Variants in NETO1 observed in about 807,000 individuals in gnomAD.
NETO1 encodes neuropilin and tolloid like 1, also known as neuropilin and tolloid-like protein 1.
NETO1 carries 26 observed loss-of-function variants against 61.3 expected under a neutral mutation model. That is an observed-to-expected ratio of 0.42 (90% CI 0.31 to 0.59). The LOEUF (loss-of-function observed/expected upper bound fraction) is 0.59. NETO1 is among the 20% of genes least tolerant of loss of function. NETO1 has a pLI of 0.12. For missense variants in NETO1, 531 were observed against 662.8 expected (o/e 0.80, Z 2.18); for synonymous variants, 225 against 225.8 (o/e 1.00, Z 0.03).
At chr18:72,833,783 C>A (rs2073656239) in intron 4 of NETO1, among the ~76,000 whole-genome samples, 2 of 152,126 alleles carry the variant, frequency 1.3e-5, no homozygotes, top group South Asian at 4.1e-4. Context: ...TCTTTGGGGG[C>A]CTACTAAACT....
intron 1 of NETO1, chr18:72,865,824 C>G: frequency 2.4e-6 from 2 of 831,098 alleles, no homozygotes; most frequent in East Asian, 6.7e-5. Context: ...CAAAAATGTT[C>G]TGAACCTCCA....
chr18:72,807,430 G>T (rs1363254738), intron 4 of NETO1, among the ~76,000 whole-genome samples: 1 of 151,954 alleles, frequency 6.6e-6, no homozygotes, highest in Non-Finnish European at 1.5e-5. Context: ...TATTTATTTA[G>T]CTGTAATTTG....
intron 4 of NETO1, among the ~76,000 whole-genome samples, chr18:72,854,218 C>T (rs1443668337): frequency 5.9e-5 from 9 of 152,234 alleles, no homozygotes; most frequent in African/African-American, 1.7e-4. Context: ...ATGAAAGGTG[C>T]TATTTAAGTA....
chr18:72,863,867 A>G (rs2074654838), intron 3 of NETO1, among the ~76,000 whole-genome samples: 1 of 152,114 alleles, frequency 6.6e-6, no homozygotes, highest in Non-Finnish European at 1.5e-5. Context: ...TAACAGTTGG[A>G]ATACTGAAAA....
Position 72,794,259 on chromosome 18 carries a change from G to A in NETO1, c.512-15C>T, listed in dbSNP as rs746059031. 8 of 1,613,900 alleles carry A rather than the reference G, an allele frequency of 5.0e-6. No homozygotes were observed. The highest frequency in any genetic ancestry group is 1.3e-5 in the African/African-American group (1 of 74,902). ...AAACTCACACGCTAAATAACAAAAT[G>A]CCAAACAAACACACAAAAACGGAGC... On this transcript the variant is annotated splice_polypyrimidine_tract_variant and intron_variant, in intron 5 of 10. Coordinates refer to ENST00000327305, the MANE Select transcript of NETO1 (RefSeq NM_138966.5).
chr18:72,746,871 A>G lies in NETO1; in HGVS notation c.*1308T>C, dbSNP rs2070443300. On this transcript the variant is annotated 3_prime_UTR_variant, in exon 11 of 11. Coordinates refer to ENST00000327305, the MANE Select transcript of NETO1 (RefSeq NM_138966.5). ...CCAAATCAAACTTTACAGAGTGTGT[A>G]TATAATTTAATAGCAGTAAAATATA... Among the ~76,000 whole-genome samples the G allele has an allele frequency of 1.3e-5, 2 of 152,078 alleles. No individual in the cohort carries two copies. Among genetic ancestry groups the G allele is most frequent in the African/African-American group, 4.8e-5 (2 of 41,450 alleles).
intron 4 of NETO1, among the ~76,000 whole-genome samples, chr18:72,809,185 C>T (rs889507464): frequency 9.2e-5 from 14 of 151,912 alleles, no homozygotes; most frequent in Non-Finnish European, 1.8e-4. Context: ...CATATACTGA[C>T]GCAGATAGGT....
intron 4 of NETO1, 27 bp from the exon 5 acceptor site, chr18:72,794,431 G>T (rs1246369859): frequency 6.3e-7 from 1 of 1,593,784 alleles, no homozygotes; most frequent in African/African-American, 1.4e-5. Context: ...AAGACAATTA[G>T]TCCCATTCTA....
At chr18:72,777,141 G>A (rs963048672) in intron 7 of NETO1, among the ~76,000 whole-genome samples, 2 of 152,222 alleles carry the variant, frequency 1.3e-5, no homozygotes, top group African/African-American at 4.8e-5. Flanking sequence ...TTCTTGGCCA[G>A]GCACAGTGGC....
At chr18:72,786,131 A>C (rs2071907766) in intron 6 of NETO1, among the ~76,000 whole-genome samples, 1 of 152,226 alleles carries the variant, frequency 6.6e-6, no homozygotes, top group Admixed American at 6.5e-5. Flanking sequence ...TTTGTTCAGC[A>C]TTCATATTTA....
At chr18:72,848,209 C>T (rs777883632) in intron 4 of NETO1, among the ~76,000 whole-genome samples, 1 of 152,178 alleles carries the variant, frequency 6.6e-6, no homozygotes, top group Non-Finnish European at 1.5e-5. Flanking sequence ...AGGCTCCAGA[C>T]TCAAAATGCA....
At chr18:72,846,108 A>C (rs921723372) in intron 4 of NETO1, among the ~76,000 whole-genome samples, 1 of 151,960 alleles carries the variant, frequency 6.6e-6, no homozygotes, top group African/African-American at 2.4e-5. Context: ...CAAACCAAAA[A>C]AATAAAGATT....
intron 7 of NETO1, among the ~76,000 whole-genome samples, chr18:72,770,746 G>C (rs970215082): frequency 1.3e-5 from 2 of 152,126 alleles, no homozygotes; most frequent in Non-Finnish European, 2.9e-5. Context: ...GAAATATATA[G>C]TGAATAGAAT....
chr18:72,836,624 G>C (rs1207623632), intron 4 of NETO1, among the ~76,000 whole-genome samples: 2 of 152,112 alleles, frequency 1.3e-5, no homozygotes, highest in Non-Finnish European at 2.9e-5. Context: ...ATAAACCAAA[G>C]CACAGAATAT....
chr18:72,815,563 A>G (rs2145244207), intron 4 of NETO1, among the ~76,000 whole-genome samples: 1 of 152,332 alleles, frequency 6.6e-6, no homozygotes, highest in Admixed American at 6.5e-5. Flanking sequence ...ATTTAATCTT[A>G]TTAATAATAA....
At chr18:72,783,965 A>G (rs2071828387) in intron 6 of NETO1, 59 bp from the exon 7 acceptor site, 2 of 1,182,840 alleles carry the variant, frequency 1.7e-6, no homozygotes, top group Admixed American at 1.8e-5. Flanking sequence ...CATCAGTATC[A>G]GAACTCCTTT....
At chr18:72,789,210 G>GCGCACA (rs1555687344) in intron 6 of NETO1, among the ~76,000 whole-genome samples, 20 of 141,460 alleles carry the variant, frequency 1.4e-4, no homozygotes, top group Non-Finnish European at 2.5e-4. Context: ...TAACACACAA[G>GCGCACA]CACACACACA....
At chr18:72,807,343 C>T (rs1568215214) in intron 4 of NETO1, among the ~76,000 whole-genome samples, 1 of 152,066 alleles carries the variant, frequency 6.6e-6, no homozygotes, top group African/African-American at 2.4e-5. Context: ...ACAAGATTTA[C>T]AGGAAGAAAA....
intron 4 of NETO1, among the ~76,000 whole-genome samples, chr18:72,816,141 T>C (rs1012320689): frequency 5.9e-5 from 9 of 151,770 alleles, no homozygotes; most frequent in South Asian, 2.1e-4. Context: ...CAGCCTGGAA[T>C]TGGGGACAAA....
Sources: allele counts gnomAD v4.1 joint callset (sites outside exome capture counted in the v4.1 genomes callset), GRCh38; gene constraint gnomAD v4.1.1; transcripts MANE v1.5; gene names NCBI Gene and HGNC (gene_info 2026-07-23, HGNC 2026-07-21).